NSMCE2: variants seen among roughly 807,000 people sequenced by gnomAD.
NSMCE2 encodes the protein NSE2 SUMO ligase component of SMC5/6 complex.
Under a neutral mutation model 23.8 loss-of-function variants are expected in NSMCE2, and 24 were observed. The observed-to-expected ratio is 1.01, with a 90% CI of 0.73 to 1.42. The LOEUF is 1.42. Among genes scored for constraint, NSMCE2 ranks in the 40% most tolerant of loss-of-function variants. The pLI is 0.00. For synonymous variants in NSMCE2, 92 were observed against 94.1 expected, an observed-to-expected ratio of 0.98 and a Z score of 0.13; for missense variants, 284 against 296.5, an observed-to-expected ratio of 0.96 and a Z score of 0.31.
At chr8:125,144,504 G>A (rs944797608) in intron 3 of NSMCE2, among the ~76,000 whole-genome samples, 2 of 152,148 alleles carry the variant, frequency 1.3e-5, no homozygotes, top group African/African-American at 2.4e-5. Context: ...AACTGGCGCC[G>A]GATAAGCTCA....
intron 5 of NSMCE2, among the ~76,000 whole-genome samples, chr8:125,324,295 A>G (rs978309880): frequency 2.0e-5 from 3 of 152,140 alleles, no homozygotes; most frequent in Non-Finnish European, 4.4e-5. Flanking sequence ...TAGGCATCCC[A>G]CTTCGAGATA....
intron 4 of NSMCE2, among the ~76,000 whole-genome samples, chr8:125,172,572 T>G (rs1460140020): frequency 6.6e-6 from 1 of 152,202 alleles, no homozygotes; most frequent in Non-Finnish European, 1.5e-5. Context: ...GTTTCCAGCT[T>G]GAAGTCCAAG....
intron 5 of NSMCE2, among the ~76,000 whole-genome samples, chr8:125,331,332 A>T (rs1046632693): frequency 4.6e-5 from 7 of 152,220 alleles, no homozygotes; most frequent in South Asian, 2.1e-4. Context: ...TAATAATTTT[A>T]AAAAAAGGTT....
At chr8:125,110,762 G>GTTTTT (rs1017002301) in intron 3 of NSMCE2, among the ~76,000 whole-genome samples, 2 of 41,826 alleles carry the variant, frequency 4.8e-5, no homozygotes, top group Admixed American at 2.7e-4. Context: ...GGTTGTTGTT[G>GTTTTT]TTTTTTTTTT....
intron 5 of NSMCE2, among the ~76,000 whole-genome samples, chr8:125,325,413 C>T (rs1307629753): frequency 5.3e-5 from 8 of 152,178 alleles, no homozygotes; most frequent in African/African-American, 9.7e-5. Context: ...TGCAGTGGCA[C>T]GATCTCGGCT....
chr8:125,152,392 GA>G (rs1457709952), intron 4 of NSMCE2, among the ~76,000 whole-genome samples: 2 of 152,124 alleles, frequency 1.3e-5, no homozygotes, highest in Non-Finnish European at 1.5e-5. Context: ...AACTCTCAGA[GA>G]TTCTGATTTC....
chr8:125,227,961 A>G (rs892777450), intron 5 of NSMCE2, among the ~76,000 whole-genome samples: 4 of 152,194 alleles, frequency 2.6e-5, no homozygotes, highest in African/African-American at 9.6e-5. Context: ...TGCATGTGCC[A>G]TTGATTTATT....
intron 5 of NSMCE2, among the ~76,000 whole-genome samples, chr8:125,197,191 CTTTAG>C (rs1296515300): frequency 6.6e-6 from 1 of 152,206 alleles, no homozygotes; most frequent in Non-Finnish European, 1.5e-5. Context: ...TGCAGAAGCT[CTTTAG>C]TTTAATTAGA....
At chr8:125,149,793 G>T (rs950494005) in intron 3 of NSMCE2, among the ~76,000 whole-genome samples, 2 of 152,124 alleles carry the variant, frequency 1.3e-5, no homozygotes, top group African/African-American at 4.8e-5. Flanking sequence ...TGTTTCTGCT[G>T]ATTGTTATTC....
intron 5 of NSMCE2, among the ~76,000 whole-genome samples, chr8:125,278,772 T>TCCA (rs147545146): frequency 0.031 from 4,760 of 152,214 alleles, 217 homozygotes; most frequent in African/African-American, 0.11. Flanking sequence ...GAAATTCACT[T>TCCA]CCACCTGTTC....
In NSMCE2 at chr8:125,337,884, CAAA is replaced by C. The variant is rs35658538; in HGVS notation, c.419-19316_419-19314del. Among the ~76,000 whole-genome samples, 615 of 97,374 alleles carry C rather than the reference CAAA, an allele frequency of 6.3e-3. 3 individuals carry two copies. Among genetic ancestry groups the C allele is most frequent in the Non-Finnish European group, 9.4e-3 (472 of 50,338 alleles). 63.9% of individuals were successfully genotyped at this position (97,374 alleles called of 152,430 possible). Reference sequence around the variant, plus strand: ...CCTGGGCAAGAGCGAAACTCTATCTCAAAAAAAAAAAAAAAAAAAAAGAAAGAA... The same window carrying C: ...CCTGGGCAAGAGCGAAACTCTATCTCAAAAAAAAAAAAAAAAAAGAAAGAA... On this transcript the variant is annotated intron_variant, in intron 5 of 7. Transcript: ENST00000287437.
intron 5 of NSMCE2, among the ~76,000 whole-genome samples, chr8:125,272,459 G>A (rs944827934): frequency 6.6e-6 from 1 of 150,710 alleles, no homozygotes; most frequent in African/African-American, 2.4e-5. Context: ...AAAGAGTGGA[G>A]GTGACCAAAT....
chr8:125,105,910 GTTAAT>G (rs1009044733), intron 3 of NSMCE2, among the ~76,000 whole-genome samples: 5 of 152,102 alleles, frequency 3.3e-5, no homozygotes, highest in African/African-American at 1.2e-4. Context: ...TACCAAAAAA[GTTAAT>G]TTAAGAAAAA....
intron 5 of NSMCE2, among the ~76,000 whole-genome samples, chr8:125,352,863 T>C (rs965150183): frequency 2.6e-5 from 4 of 152,220 alleles, no homozygotes; most frequent in East Asian, 1.9e-4. Context: ...TCTATAAATA[T>C]AGATTGAGAG....
At chr8:125,340,087 T>A (rs1830192457) in intron 5 of NSMCE2, among the ~76,000 whole-genome samples, 2 of 136,396 alleles carry the variant, frequency 1.5e-5, no homozygotes, top group Non-Finnish European at 3.0e-5. Flanking sequence ...CAATCTCGGC[T>A]CACTGCAAGC....
intron 5 of NSMCE2, among the ~76,000 whole-genome samples, chr8:125,307,093 G>A (rs2131217651): frequency 6.6e-6 from 1 of 152,310 alleles, no homozygotes; most frequent in East Asian, 1.9e-4. Context: ...CACTTAACAT[G>A]GAGGAAAGAG....
chr8:125,096,415 T>G (rs536977405), intron 1 of NSMCE2, among the ~76,000 whole-genome samples: 47 of 152,336 alleles, frequency 3.1e-4, no homozygotes, highest in African/African-American at 1.1e-3. Context: ...GCTATTGCAT[T>G]TACTATAAGG....
rs2891628 is a variant in NSMCE2, at chr8:125,243,930, C to A, written c.418+61674C>A. Among the ~76,000 whole-genome samples the A allele has an allele frequency of 2.0e-5, 3 of 152,252 alleles. No homozygotes were observed. In the South Asian group the frequency reaches 6.2e-4, roughly 31 times the overall value. Reference sequence around the variant, plus strand: ...GAAAGACTCACAACATATCCCACTTCTGTATAAATCCCCCAAAAAGCAAAA... The same window carrying A: ...GAAAGACTCACAACATATCCCACTTATGTATAAATCCCCCAAAAAGCAAAA... On this transcript the variant is annotated intron_variant, in intron 5 of 7. Coordinates refer to ENST00000287437, the MANE Select transcript of NSMCE2 (RefSeq NM_173685.4).
At chr8:125,152,234 T>C (rs1363633163) in intron 4 of NSMCE2, among the ~76,000 whole-genome samples, 1 of 152,216 alleles carries the variant, frequency 6.6e-6, no homozygotes, top group Non-Finnish European at 1.5e-5. Flanking sequence ...CGTTTCTGGC[T>C]ATTGTGACTG....
Sources: allele counts gnomAD v4.1 joint callset (sites outside exome capture counted in the v4.1 genomes callset), GRCh38; gene constraint gnomAD v4.1.1; transcripts MANE v1.5; gene names NCBI Gene and HGNC (gene_info 2026-07-23, HGNC 2026-07-21).